PRKN: variants seen among roughly 807,000 people sequenced by gnomAD.
The protein encoded by PRKN is parkin RBR E3 ubiquitin protein ligase.
Under a neutral mutation model 59.5 loss-of-function variants are expected in PRKN, and 56 were observed. The ratio of observed to expected loss-of-function variants is 0.94; its 90% CI spans 0.76 to 1.18. The LOEUF is 1.18. Among genes scored for constraint, PRKN ranks in the 50% most tolerant of loss-of-function variants. The probability of loss-of-function intolerance (pLI) is 0.00; values close to 1 mark genes in which losing one functional copy is unlikely to be tolerated. For missense variants in PRKN, 657 were observed against 596.4 expected (o/e 1.10, Z -1.06); for synonymous variants, 250 against 222.1 (o/e 1.13, Z -1.12).
chr6:161,652,448 T>C (rs950420449), intron 7 of PRKN, among the ~76,000 whole-genome samples: 11 of 152,226 alleles, frequency 7.2e-5, no homozygotes, highest in African/African-American at 2.4e-4. Flanking sequence ...AAGTAGACTA[T>C]AGTATTATAT....
At chr6:161,729,337 T>A (rs2128187704) in intron 7 of PRKN, among the ~76,000 whole-genome samples, 1 of 152,334 alleles carries the variant, frequency 6.6e-6, no homozygotes, top group Non-Finnish European at 1.5e-5. Context: ...GTCAACTTTT[T>A]AAGAAATTCT....
intron 6 of PRKN, among the ~76,000 whole-genome samples, chr6:161,952,276 G>A (rs552539774): frequency 6.6e-6 from 1 of 152,180 alleles, no homozygotes; most frequent in East Asian, 1.9e-4. Flanking sequence ...TGAAAAAGAT[G>A]GTCAGTGAAG....
In PRKN at chr6:161,363,638, G is replaced by A. The variant is rs1582972173; in HGVS notation, c.1168-3433C>T. On this transcript the variant is annotated intron_variant, in intron 10 of 11. Transcript: ENST00000366898. This position sits in a 1 kb window ranked among gnomAD's most constrained non-coding sequence, Gnocchi z 4.1. ...GAGAGAGAAACAGTGTTTGGAGAGA[G>A]TGGCAAAAAAACACACAAATTATCT... is the stretch of plus-strand genomic sequence containing the variant. Among the ~76,000 whole-genome samples the A allele has an allele frequency of 6.6e-6, 1 of 152,232 alleles. No homozygotes were observed. Among genetic ancestry groups the A allele is most frequent in the Admixed American group, 6.5e-5 (1 of 15,286 alleles).
intron 1 of PRKN, among the ~76,000 whole-genome samples, chr6:162,469,509 TAC>T (rs74725154): frequency 0.23 from 34,695 of 148,436 alleles, 4,122 homozygotes; most frequent in East Asian, 0.31. Context: ...TGTGTGTGTA[TAC>T]ACACACACAC....
At chr6:161,585,795 G>A (rs1304088822) in intron 7 of PRKN, among the ~76,000 whole-genome samples, 6 of 152,208 alleles carry the variant, frequency 3.9e-5, no homozygotes, top group East Asian at 3.9e-4. Flanking sequence ...CAGCTGGCTC[G>A]ATTACAGCCC....
chr6:161,758,050 T>C (rs1562660741), intron 7 of PRKN, among the ~76,000 whole-genome samples: 1 of 151,006 alleles, frequency 6.6e-6, no homozygotes, highest in Non-Finnish European at 1.5e-5. Flanking sequence ...TAATGGAATG[T>C]GAAAACTTAA....
intron 1 of PRKN, among the ~76,000 whole-genome samples, chr6:162,633,491 A>G (rs531912735): frequency 1.3e-5 from 2 of 149,340 alleles, no homozygotes; most frequent in African/African-American, 2.4e-5. Context: ...GGGAGGACTT[A>G]TAACTCCTAA....
At chr6:161,911,262 C>T (rs1175667587) in intron 6 of PRKN, among the ~76,000 whole-genome samples, 1 of 152,178 alleles carries the variant, frequency 6.6e-6, no homozygotes, top group Non-Finnish European at 1.5e-5. Flanking sequence ...CATATACACA[C>T]AGCTGGCACA....
intron 1 of PRKN, among the ~76,000 whole-genome samples, chr6:162,516,589 T>G (rs568077118): frequency 6.6e-6 from 1 of 152,062 alleles, no homozygotes; most frequent in South Asian, 2.1e-4. Flanking sequence ...CTGTCTCTAC[T>G]AAAAATACAA....
At chr6:161,455,043 T>G (rs553317159) in intron 9 of PRKN, among the ~76,000 whole-genome samples, 3 of 126,308 alleles carry the variant, frequency 2.4e-5, no homozygotes, top group East Asian at 4.0e-4. Context: ...TTGACACGTG[T>G]TTTTTTTTTT....
At chr6:161,947,650 G>C (rs999613202) in intron 6 of PRKN, among the ~76,000 whole-genome samples, 1 of 152,128 alleles carries the variant, frequency 6.6e-6, no homozygotes, top group African/African-American at 2.4e-5. Context: ...TAGTTGATTC[G>C]CAAGAAAGAA....
chr6:162,139,777 G>T (rs558207696), intron 4 of PRKN, among the ~76,000 whole-genome samples: 1 of 152,106 alleles, frequency 6.6e-6, no homozygotes, highest in Non-Finnish European at 1.5e-5. Context: ...TGAAGTATCT[G>T]TAGGTACCAG....
At chr6:162,007,371 GAC>G (rs957035823) in intron 5 of PRKN, among the ~76,000 whole-genome samples, 3 of 152,116 alleles carry the variant, frequency 2.0e-5, no homozygotes, top group Non-Finnish European at 2.9e-5. Context: ...TATAATAGCA[GAC>G]ACATTTCAGG....
At chr6:162,591,334 T>A (rs1216215282) in intron 1 of PRKN, among the ~76,000 whole-genome samples, 1 of 152,134 alleles carries the variant, frequency 6.6e-6, no homozygotes. Flanking sequence ...AAGTGCTGAG[T>A]ATCCTCTTCT....
rs1784708923 is a variant in PRKN, at chr6:162,201,074, T to C, written c.534+57A>G. ...CATCATTAGAAAAACTGAAAGGCAA[T>C]GTGTTAGTACACATTCATTTTCCTG... On this transcript the variant is annotated intron_variant, in intron 4 of 11. Transcript: ENST00000366898. The C allele has an allele frequency of 1.9e-6, 3 of 1,578,550 alleles. 1 individual carries two copies. In the South Asian group the frequency reaches 3.3e-5, roughly 17 times the overall value.
intron 7 of PRKN, among the ~76,000 whole-genome samples, chr6:161,719,011 T>C (rs754485418): frequency 1.3e-5 from 2 of 152,202 alleles, no homozygotes; most frequent in Admixed American, 6.5e-5. Context: ...CCTGACATTA[T>C]TGCTGATTAC....
chr6:161,460,898 C>T lies in PRKN; in HGVS notation c.1084-74021G>A, dbSNP rs1790182051. On this transcript the variant is annotated intron_variant, in intron 9 of 11. Transcript: ENST00000366898. The surrounding 1 kb of genome is among the most constrained non-coding windows in gnomAD (Gnocchi z 5.0). The stretch of plus-strand genomic sequence containing the variant: ...CCAAGTAGCTGGGACTACAGGTACG[C>T]ACCACCACGCCCAGCTAATTTTTCT... 6.6e-6 allele frequency among the ~76,000 whole-genome samples: 1 copy of T among 151,816 alleles called. No individual in the cohort carries two copies. The highest frequency in any genetic ancestry group is 6.6e-5 in the Admixed American group (1 of 15,244).
chr6:162,703,554 C>T (rs1261053284), intron 1 of PRKN, among the ~76,000 whole-genome samples: 1 of 152,154 alleles, frequency 6.6e-6, no homozygotes, highest in Non-Finnish European at 1.5e-5. Context: ...TTTTCCATGT[C>T]TTTCACGTAT....
chr6:162,101,914 G>C (rs1355823611), intron 4 of PRKN, among the ~76,000 whole-genome samples: 1 of 152,028 alleles, frequency 6.6e-6, no homozygotes, highest in African/African-American at 2.4e-5. Flanking sequence ...CTACACAATT[G>C]GTCCATTCAC....
Sources: allele counts gnomAD v4.1 joint callset (sites outside exome capture counted in the v4.1 genomes callset), GRCh38; gene constraint gnomAD v4.1.1; non-coding constraint Gnocchi (gnomAD v3.1); transcripts MANE v1.5; gene names NCBI Gene and HGNC (gene_info 2026-07-23, HGNC 2026-07-21).